Variants in FBLN2 observed in about 807,000 individuals in gnomAD.
FBLN2 encodes fibulin 2.
Under a neutral mutation model 123.7 loss-of-function variants are expected in FBLN2, and 81 were observed. The observed-to-expected ratio is 0.65, with a 90% CI of 0.55 to 0.79. The LOEUF is 0.79. Ranked by LOEUF, FBLN2 falls within the 30% of genes least tolerant of loss-of-function variation. The pLI, the probability that FBLN2 is intolerant of heterozygous loss-of-function variation, is 0.00. For synonymous variants in FBLN2, 699 were observed against 701.4 expected (o/e 1.00, Z 0.05); for missense variants, 1,603 against 1,681.3 (o/e 0.95, Z 0.81).
intron 13 of FBLN2, 96 bp from the exon 14 acceptor site, chr3:13,629,724 C>A: frequency 6.8e-7 from 1 of 1,465,764 alleles, no homozygotes. Flanking sequence ...GTCCCTCTCC[C>A]ACTTAGCCTC....
At chr3:13,612,782 G>T (rs1291005529) in intron 4 of FBLN2, among the ~76,000 whole-genome samples, 2 of 152,190 alleles carry the variant, frequency 1.3e-5, no homozygotes, top group Non-Finnish European at 2.9e-5. Flanking sequence ...CAAACTAAGT[G>T]TTAAGTATGT....
chr3:13,608,031 T>A, intron 2 of FBLN2, 31 bp from the exon 3 acceptor site: 2 of 1,534,602 alleles, frequency 1.3e-6, no homozygotes, highest in Non-Finnish European at 1.8e-6. Flanking sequence ...GACTTATGAA[T>A]GGTGACTCTG....
chr3:13,551,562 C>A (rs1703322994), intron 1 of FBLN2, among the ~76,000 whole-genome samples: 1 of 152,200 alleles, frequency 6.6e-6, no homozygotes, highest in African/African-American at 2.4e-5. Context: ...CCCTCCAAAG[C>A]AAAGCTCTTT....
intron 2 of FBLN2, among the ~76,000 whole-genome samples, chr3:13,584,949 G>A (rs1489790683): frequency 2.0e-5 from 3 of 152,220 alleles, no homozygotes; most frequent in Non-Finnish European, 4.4e-5. Flanking sequence ...AGCTAGAGGT[G>A]GAAGCTGATC....
chr3:13,599,757 A>C (rs946482441), intron 2 of FBLN2, among the ~76,000 whole-genome samples: 1 of 151,430 alleles, frequency 6.6e-6, no homozygotes, highest in Non-Finnish European at 1.5e-5. Context: ...CTTTGTTGAC[A>C]CAGGAAGACC....
chr3:13,551,123 C>T (rs1703311451), intron 1 of FBLN2, among the ~76,000 whole-genome samples: 1 of 152,190 alleles, frequency 6.6e-6, no homozygotes, highest in Non-Finnish European at 1.5e-5. Context: ...CCTGCGTGGC[C>T]TTTGTGCGGC....
intron 17 of FBLN2, among the ~76,000 whole-genome samples, chr3:13,636,866 A>G (rs1040457217): frequency 1.3e-5 from 2 of 152,220 alleles, no homozygotes; most frequent in South Asian, 4.1e-4. Context: ...CCAGAATACA[A>G]CAGATACTTA....
chr3:13,573,574 C>T (rs961655464), intron 2 of FBLN2, among the ~76,000 whole-genome samples: 17 of 152,276 alleles, frequency 1.1e-4, no homozygotes, highest in Middle Eastern at 6.8e-3. Flanking sequence ...AGCATCTTAC[C>T]GGCTCCTGTG....
Position 13,621,843 on chromosome 3 carries a change from T to C in FBLN2, c.2224T>C (p.Ser742Pro), listed in dbSNP as rs764435134. The C allele has an allele frequency of 1.9e-6, 3 of 1,613,864 alleles. No individual in the cohort carries two copies. The African/African-American group carries it at 4.0e-5, about 22-fold the overall frequency. ...RRQFCVNTLG[S>P]FYCVNHTVLC... is the part of the protein sequence containing the mutation. The stretch of plus-strand genomic sequence containing the variant: ...ACAGTTCTGTGTGAACACCCTGGGA[T>C]CCTTCTACTGTGTCAACCACACAGT... Residue 742 changes from serine to proline, a missense_variant, in exon 9 of 18, where the codon TCC becomes CCC. By Grantham distance (74) the Ser-to-Pro change is moderately conservative. Transcript: ENST00000404922.
rs1468030638 is a variant in FBLN2 at position 13,637,848 on chromosome 3, C to A, written c.3625C>A (p.Leu1209Ile). The change falls in exon 18 of 18, where the codon CTC (leucine) becomes ATC (isoleucine). Residue 1209 changes from leucine (L) to isoleucine (I), a missense_variant. Transcript: ENST00000404922. ...RDFALDVEMK[L>I]WRQGSVTTFL... ...CTTTGCCCTGGACGTGGAGATGAAG[C>A]TCTGGAGGCAGGGCTCCGTCACCAC... The A allele has an allele frequency of 6.2e-7, 1 of 1,612,690 alleles. No homozygotes were observed. The highest frequency in any genetic ancestry group is 8.5e-7 in the Non-Finnish European group (1 of 1,178,986).
In FBLN2 at chr3:13,628,264, T is replaced by C. The variant is rs113408561; in HGVS notation, c.2569+295T>C. On this transcript the variant is annotated intron_variant, in intron 11 of 17. Transcript: ENST00000404922. ...GGACTGGATACGAATGAGTATCCCT[T>C]TTTTTTAACCAGTCAGCAGTGGCTA... is the stretch of plus-strand genomic sequence containing the variant. Among the ~76,000 whole-genome samples the C allele has an allele frequency of 3.8e-3, 586 of 152,224 alleles. 3 individuals are homozygous for C. Among genetic ancestry groups the C allele is most frequent in the African/African-American group, 0.014 (572 of 41,510 alleles).
At position 13,549,163 on chromosome 3, in the gene FBLN2, A is replaced by C. The variant is rs1230293357; in HGVS notation, c.-87A>C. The C allele has an allele frequency of 1.0e-6, 1 of 982,250 alleles. No individual in the cohort carries two copies. Among genetic ancestry groups the C allele is most frequent in the Non-Finnish European group, 1.2e-6 (1 of 828,838 alleles). The allele number at this position is 982,250 out of a possible 1,614,324, so 60.8% of individuals were successfully genotyped here. A position where few individuals can be genotyped will look rare whatever the true frequency, so the allele number is the denominator to read the frequency against. On this transcript the variant is annotated 5_prime_UTR_variant, in exon 1 of 18. Coordinates refer to ENST00000404922, the MANE Select transcript of FBLN2 (RefSeq NM_001004019.2). ...GGCCGCCCGGGCTCTCGACGCGCCG[A>C]CGGCCGGGCGGACGGACGGACGGAC...
In FBLN2 at chr3:13,622,015, T is replaced by TG. The variant is rs1234348306; in HGVS notation, c.2296+101dup. On this transcript the variant is annotated intron_variant, in intron 9 of 17. Transcript: ENST00000404922. ...GCCACATGCCAAAGGGCCTGCCCTT[T>TG]GCATGTGAGCTCTCAGCACAGCCGG... is the stretch of plus-strand genomic sequence containing the variant. 15 of 1,366,756 alleles carry TG rather than the reference T, an allele frequency of 1.1e-5. No individual in the cohort carries two copies. The Admixed American group carries it at 2.3e-4, about 21-fold the overall frequency. The allele number at this position is 1,366,756 out of a possible 1,614,324, so 84.7% of individuals were successfully genotyped here.
chr3:13,629,985 T>G (rs751819385), intron 14 of FBLN2, 40 bp downstream of exon 14: 15 of 1,603,958 alleles, frequency 9.4e-6, no homozygotes, highest in African/African-American at 1.3e-5. Context: ...CCGCCTGGTA[T>G]CTGTAGTGGG....
At chr3:13,608,020 T>C in intron 2 of FBLN2, 42 bp from the exon 3 acceptor site, 1 of 1,501,746 alleles carries the variant, frequency 6.7e-7, no homozygotes, top group South Asian at 1.2e-5. Context: ...CTGGACTTGG[T>C]GACTTATGAA....
Position 13,637,671 on chromosome 3 carries a change from A to G in FBLN2, c.3448A>G (p.Ile1150Val), listed in dbSNP as rs949364204. ...FQTGLLVPAHIFRIGPAPAFT... is the reference protein window; with the variant it reads ...FQTGLLVPAHVFRIGPAPAFT... ...GACGGGCCTCCTGGTGCCTGCGCAT[A>G]TCTTCCGCATTGGCCCCGCGCCAGC... Residue 1150 changes from isoleucine to valine, a missense_variant, in exon 18 of 18, where the codon ATC (isoleucine) becomes GTC (valine). Transcript: ENST00000404922. 1.9e-6 allele frequency: 3 copies of G among 1,613,874 alleles called. No homozygotes were observed. The African/African-American group carries it at 4.0e-5, about 22-fold the overall frequency.
chr3:13,609,045 G>A (rs1478987401), intron 3 of FBLN2, among the ~76,000 whole-genome samples: 1 of 152,216 alleles, frequency 6.6e-6, no homozygotes, highest in African/African-American at 2.4e-5. Context: ...CCACTTCAGG[G>A]GGTGCTGAGC....
chr3:13,569,872 G>A (rs1297829778), intron 1 of FBLN2, among the ~76,000 whole-genome samples: 1 of 152,118 alleles, frequency 6.6e-6, no homozygotes, highest in Admixed American at 6.5e-5. Flanking sequence ...GTACTGGCAC[G>A]TGGGCATGCT....
At chr3:13,612,001 C>T (rs1222855297) in intron 4 of FBLN2, among the ~76,000 whole-genome samples, 2 of 152,168 alleles carry the variant, frequency 1.3e-5, no homozygotes, top group Non-Finnish European at 2.9e-5. Flanking sequence ...CCAGAAGGGA[C>T]CTCATCCTGA....
Sources: gnomAD v4.1 joint callset for allele counts (sites outside exome capture counted in the v4.1 genomes callset) on GRCh38, gnomAD v4.1.1 for gene constraint, MANE v1.5 for transcripts, NCBI Gene and HGNC (gene_info 2026-07-23, HGNC 2026-07-21) for gene names.